The following LUZP2 variants were observed in gnomAD, a reference collection of about 807,000 sequenced individuals.
The protein encoded by LUZP2 is leucine zipper protein 2.
A neutral mutation model predicts 51.6 loss-of-function variants in LUZP2; 52 were observed. The observed-to-expected ratio is 1.01, with a 90% CI of 0.81 to 1.27. The LOEUF is 1.27. Ranked by LOEUF, LUZP2 falls within the 50% of genes most tolerant of loss-of-function variation. LUZP2 has a pLI of 0.00. For missense variants in LUZP2, 436 were observed against 395.4 expected (o/e 1.10, Z -0.87); for synonymous variants, 154 against 137.3 (o/e 1.12, Z -0.85).
At chr11:25,003,662 C>G (rs1349517051) in intron 9 of LUZP2, among the ~76,000 whole-genome samples, 1 of 152,090 alleles carries the variant, frequency 6.6e-6, no homozygotes, top group African/African-American at 2.4e-5. Flanking sequence ...AGGGATATTG[C>G]CTATGATAAG....
At chr11:24,897,281 A>C (rs1853100445) in intron 5 of LUZP2, among the ~76,000 whole-genome samples, 1 of 152,214 alleles carries the variant, frequency 6.6e-6, no homozygotes, top group Non-Finnish European at 1.5e-5. Context: ...GGGTCAGAAA[A>C]GGGAATAAAA....
chr11:25,072,278 T>G (rs1859180646), intron 10 of LUZP2, among the ~76,000 whole-genome samples: 1 of 152,096 alleles, frequency 6.6e-6, no homozygotes, highest in Non-Finnish European at 1.5e-5. Context: ...ATGTATGTAT[T>G]TATGCTTTCT....
At chr11:24,932,225 G>A (rs141935852) in intron 7 of LUZP2, among the ~76,000 whole-genome samples, 6 of 152,292 alleles carry the variant, frequency 3.9e-5, no homozygotes, top group Non-Finnish European at 8.8e-5. Context: ...CTGGTTTTGT[G>A]TTGGTTGGCA....
At chr11:24,760,992 C>T (rs1362756508) in intron 4 of LUZP2, among the ~76,000 whole-genome samples, 1 of 152,108 alleles carries the variant, frequency 6.6e-6, no homozygotes, top group Non-Finnish European at 1.5e-5. Flanking sequence ...CTAGAGGTTC[C>T]CAGTTCAAAT....
At chr11:24,654,303 T>A (rs1855729369) in intron 1 of LUZP2, among the ~76,000 whole-genome samples, 2 of 152,246 alleles carry the variant, frequency 1.3e-5, no homozygotes, top group African/African-American at 4.8e-5. Context: ...TTATAAAATG[T>A]TCTGTTAAAT....
At position 24,948,045 on chromosome 11, in the gene LUZP2, C is replaced by T. The variant is rs550967652; in HGVS notation, c.523-28546C>T. Among the ~76,000 whole-genome samples the T allele has an allele frequency of 3.8e-4, 58 of 151,680 alleles. 3 individuals are homozygous for T. The South Asian group carries it at 0.01, about 27-fold the overall frequency. ...TTTCTGTTCCTTTCTTTTGGTATTCCGTAATTCATAAGTTAGTGTGCTTAA... is the reference window on the plus strand; with the variant it reads ...TTTCTGTTCCTTTCTTTTGGTATTCTGTAATTCATAAGTTAGTGTGCTTAA... On this transcript the variant is annotated intron_variant, in intron 7 of 11. Coordinates refer to ENST00000336930, the MANE Select transcript of LUZP2 (RefSeq NM_001009909.4).
chr11:24,977,467 G>A (rs11028315), intron 8 of LUZP2, among the ~76,000 whole-genome samples: 56,902 of 151,336 alleles, frequency 0.38, 12,716 homozygotes, highest in East Asian at 0.72. Context: ...ATACAATTGC[G>A]TTTGGGGAAA....
intron 7 of LUZP2, among the ~76,000 whole-genome samples, chr11:24,918,851 A>ATG (rs1853897475): frequency 8.1e-6 from 1 of 122,912 alleles, no homozygotes; most frequent in South Asian, 2.7e-4. Flanking sequence ...ACATCTATAT[A>ATG]TATATGTTCT....
chr11:25,018,603 C>CTTT (rs755246752), intron 9 of LUZP2, among the ~76,000 whole-genome samples: 2 of 108,824 alleles, frequency 1.8e-5, no homozygotes, highest in Non-Finnish European at 1.8e-5. Context: ...TTCCTTTTTC[C>CTTT]TTTTTTTTTT....
chr11:25,032,343 CA>C (rs1454836022), intron 9 of LUZP2, among the ~76,000 whole-genome samples: 2 of 152,134 alleles, frequency 1.3e-5, no homozygotes, highest in Admixed American at 6.6e-5. Flanking sequence ...GCTGGTATGA[CA>C]ACAAATTTAG....
intron 5 of LUZP2, among the ~76,000 whole-genome samples, chr11:24,821,709 T>C (rs1291006757): frequency 6.6e-6 from 1 of 152,058 alleles, no homozygotes; most frequent in African/African-American, 2.4e-5. Flanking sequence ...AAAAGCATGA[T>C]GAAAGGTTTA....
intron 7 of LUZP2, among the ~76,000 whole-genome samples, chr11:24,936,549 T>G (rs1200725643): frequency 6.6e-6 from 1 of 152,130 alleles, no homozygotes; most frequent in East Asian, 1.9e-4. Flanking sequence ...AATTTTTTTT[T>G]TTCCTTATAC....
intron 1 of LUZP2, among the ~76,000 whole-genome samples, chr11:24,502,188 A>T (rs1393138010): frequency 6.6e-6 from 1 of 152,182 alleles, no homozygotes; most frequent in African/African-American, 2.4e-5. Context: ...TATTATTTTT[A>T]TAAAATCTTT....
intron 5 of LUZP2, among the ~76,000 whole-genome samples, chr11:24,811,309 G>A (rs550768134): frequency 2.0e-5 from 3 of 151,934 alleles, no homozygotes; most frequent in South Asian, 2.1e-4. Context: ...CACTTTTACC[G>A]GTTTTGCTCT....
chr11:24,760,273 A>G (rs1032471838), intron 4 of LUZP2, among the ~76,000 whole-genome samples: 16 of 152,144 alleles, frequency 1.1e-4, no homozygotes, highest in African/African-American at 3.9e-4. Context: ...AGATTATCTT[A>G]AGGTCTCCGT....
intron 5 of LUZP2, among the ~76,000 whole-genome samples, chr11:24,893,785 C>G (rs995062979): frequency 6.6e-6 from 1 of 151,708 alleles, no homozygotes; most frequent in Non-Finnish European, 1.5e-5. Context: ...CACACACACA[C>G]ACACACACAC....
chr11:24,939,402 C>T (rs1304544488), intron 7 of LUZP2, among the ~76,000 whole-genome samples: 1 of 151,948 alleles, frequency 6.6e-6, no homozygotes, highest in Non-Finnish European at 1.5e-5. Context: ...ATTTCTACCA[C>T]TCTCGGGGGA....
At chr11:25,013,345 CTTGGGTGAGGGACAA>C (rs1219384165) in intron 9 of LUZP2, among the ~76,000 whole-genome samples, 4 of 152,044 alleles carry the variant, frequency 2.6e-5, no homozygotes, top group Non-Finnish European at 5.9e-5. Flanking sequence ...ATGTAGTGTA[CTTGGGTGAGGGACAA>C]CCTAGATACC....
intron 1 of LUZP2, among the ~76,000 whole-genome samples, chr11:24,700,997 C>T (rs996848080): frequency 3.3e-5 from 5 of 152,206 alleles, no homozygotes; most frequent in African/African-American, 1.2e-4. Flanking sequence ...GAAAAAACAT[C>T]CGATTTACCA....
Sources: gnomAD v4.1 joint callset for allele counts (sites outside exome capture counted in the v4.1 genomes callset) on GRCh38, gnomAD v4.1.1 for gene constraint, MANE v1.5 for transcripts, NCBI Gene and HGNC (gene_info 2026-07-23, HGNC 2026-07-21) for gene names.